SBF2: variants seen among roughly 807,000 people sequenced by gnomAD.
The protein encoded by SBF2 is myotubularin-related protein 13.
A neutral mutation model predicts 225.2 loss-of-function variants in SBF2; 112 were observed. The ratio of observed to expected loss-of-function variants is 0.50; its 90% confidence interval spans 0.43 to 0.58. The LOEUF is 0.58. Ranked by LOEUF, SBF2 falls within the 20% of genes least tolerant of loss-of-function variation. SBF2 has a pLI of 0.00. For synonymous variants in SBF2, 763 were observed against 773.3 expected (o/e 0.99, Z 0.22); for missense variants, 1,996 against 2,206.2 (o/e 0.90, Z 1.91).
intron 1 of SBF2, among the ~76,000 whole-genome samples, chr11:10,263,955 T>G (rs1186863382): frequency 1.3e-5 from 2 of 152,152 alleles, no homozygotes; most frequent in Non-Finnish European, 2.9e-5. Flanking sequence ...TACAAAAATA[T>G]TCATGATTTA....
At chr11:9,965,298 T>C (rs1284902170) in intron 14 of SBF2, among the ~76,000 whole-genome samples, 1 of 100,686 alleles carries the variant, frequency 9.9e-6, no homozygotes, top group Non-Finnish European at 2.2e-5. Context: ...TGTTTTAAAC[T>C]TTTTTTTTTT....
chr11:10,137,020 T>C (rs1296748560), intron 2 of SBF2, among the ~76,000 whole-genome samples: 5 of 152,228 alleles, frequency 3.3e-5, no homozygotes, highest in Non-Finnish European at 7.3e-5. Context: ...ATCTTTACTG[T>C]ATTGAGTCTT....
intron 2 of SBF2, among the ~76,000 whole-genome samples, chr11:10,095,979 C>T (rs1361243408): frequency 6.6e-6 from 1 of 152,074 alleles, no homozygotes. Flanking sequence ...GTTACTTTAA[C>T]TAAGTGACTA....
chr11:9,794,380 TAA>T (rs1020184446), intron 33 of SBF2, among the ~76,000 whole-genome samples: 1 of 151,942 alleles, frequency 6.6e-6, no homozygotes, highest in Non-Finnish European at 1.5e-5. Context: ...TCAGTCCACT[TAA>T]GACCAGGCCT....
chr11:9,991,762 T>C (rs1947451705), intron 12 of SBF2, among the ~76,000 whole-genome samples: 1 of 152,156 alleles, frequency 6.6e-6, no homozygotes, highest in South Asian at 2.1e-4. Flanking sequence ...TCCTTGAAGA[T>C]AGAGACAAAA....
At chr11:10,148,562 A>G (rs1024296116) in intron 2 of SBF2, among the ~76,000 whole-genome samples, 1 of 151,982 alleles carries the variant, frequency 6.6e-6, no homozygotes, top group African/African-American at 2.4e-5. Flanking sequence ...TAGGAAGATT[A>G]CCAAAGGTCC....
chr11:10,176,439 A>G (rs1478108290), intron 2 of SBF2, among the ~76,000 whole-genome samples: 6 of 151,788 alleles, frequency 4.0e-5, no homozygotes, highest in Non-Finnish European at 7.4e-5. Flanking sequence ...TTGATAGACC[A>G]CTAGCAAGAC....
At chr11:10,004,189 G>GA (rs898555744) in intron 6 of SBF2, among the ~76,000 whole-genome samples, 43 of 151,908 alleles carry the variant, frequency 2.8e-4, no homozygotes, top group African/African-American at 9.9e-4. Flanking sequence ...TAGAATAATG[G>GA]AAAAAAACTA....
intron 1 of SBF2, among the ~76,000 whole-genome samples, chr11:10,250,661 G>A (rs79668791): frequency 0.038 from 5,783 of 152,082 alleles, 396 homozygotes; most frequent in East Asian, 0.22. Flanking sequence ...TAATTATTAC[G>A]CCACAGTATA....
intron 32 of SBF2, among the ~76,000 whole-genome samples, chr11:9,802,272 A>C (rs908870560): frequency 6.6e-6 from 1 of 152,198 alleles, no homozygotes. Flanking sequence ...GAGCTAAGCC[A>C]ATTTCTTTTA....
chr11:10,262,188 T>C (rs1961509928), intron 1 of SBF2, among the ~76,000 whole-genome samples: 1 of 152,164 alleles, frequency 6.6e-6, no homozygotes, highest in Non-Finnish European at 1.5e-5. Flanking sequence ...AATAATTTAC[T>C]GTGAAATACA....
intron 21 of SBF2, among the ~76,000 whole-genome samples, chr11:9,850,946 G>A (rs1856882587): frequency 6.6e-6 from 1 of 151,970 alleles, no homozygotes; most frequent in African/African-American, 2.4e-5. Context: ...GACCAGCCTG[G>A]CCAACATAGT....
intron 2 of SBF2, among the ~76,000 whole-genome samples, chr11:10,155,040 T>C (rs1420937836): frequency 6.6e-6 from 1 of 151,332 alleles, no homozygotes; most frequent in East Asian, 1.9e-4. Flanking sequence ...CAAAATTAAA[T>C]GCTCTCTATC....
rs1168655677 is a variant in SBF2, at chr11:9,829,229, G to A, written c.3793+127C>T. Reference sequence around the variant, plus strand: ...AGGAGTTAAACTTATAACCCTTCAGGGTAAAACTTTTAAGAAGTCTTGGTG... The same window carrying A: ...AGGAGTTAAACTTATAACCCTTCAGAGTAAAACTTTTAAGAAGTCTTGGTG... On this transcript the variant is annotated intron_variant, in intron 28 of 39. Transcript: ENST00000256190. 4.7e-6 allele frequency: 5 copies of A among 1,065,032 alleles called. No homozygotes were observed. The African/African-American group carries it at 7.8e-5, about 17-fold the overall frequency. The allele number at this position is 1,065,032 out of a possible 1,614,324, so 66.0% of individuals were successfully genotyped here. A position where few individuals can be genotyped will look rare whatever the true frequency, so the allele number is the denominator to read the frequency against.
chr11:9,994,586 A>ATATATATATC (rs1947604227), intron 9 of SBF2, among the ~76,000 whole-genome samples: 1 of 150,224 alleles, frequency 6.7e-6, no homozygotes, highest in Non-Finnish European at 1.5e-5. Flanking sequence ...ACATATATAT[A>ATATATATATC]TATATATGAA....
chr11:10,251,618 T>C (rs1045192048), intron 1 of SBF2, among the ~76,000 whole-genome samples: 10 of 152,186 alleles, frequency 6.6e-5, no homozygotes, highest in African/African-American at 1.9e-4. Context: ...GTTTGGTTTA[T>C]GGGGACTCTG....
chr11:9,858,629 C>G (rs1368810469), intron 17 of SBF2, among the ~76,000 whole-genome samples: 2 of 152,084 alleles, frequency 1.3e-5, no homozygotes, highest in Non-Finnish European at 2.9e-5. Context: ...ATTTTAGTAA[C>G]AGCTAAAAAT....
At chr11:10,139,775 C>T (rs1245697629) in intron 2 of SBF2, among the ~76,000 whole-genome samples, 4 of 152,262 alleles carry the variant, frequency 2.6e-5, no homozygotes, top group Non-Finnish European at 5.9e-5. Flanking sequence ...AGTTATTGTC[C>T]TCATTAGTTT....
chr11:10,050,341 T>G (rs1191500845), intron 2 of SBF2, among the ~76,000 whole-genome samples: 1 of 152,162 alleles, frequency 6.6e-6, no homozygotes, highest in Non-Finnish European at 1.5e-5. Flanking sequence ...CTCTTATCCA[T>G]GGAGGATATG....
Sources: allele counts gnomAD v4.1 joint callset (sites outside exome capture counted in the v4.1 genomes callset), GRCh38; gene constraint gnomAD v4.1.1; transcripts MANE v1.5; gene names NCBI Gene and HGNC (gene_info 2026-07-23, HGNC 2026-07-21).